The following AMBRA1 variants were observed in gnomAD, a reference collection of about 807,000 sequenced individuals.
AMBRA1 encodes the protein autophagy and beclin 1 regulator 1, also known as activating molecule in BECN1-regulated autophagy protein 1.
Under a neutral mutation model 125.4 loss-of-function variants are expected in AMBRA1, and 47 were observed. The observed-to-expected ratio is 0.37, with a 90% confidence interval of 0.30 to 0.48. The LOEUF (loss-of-function observed/expected upper bound fraction) is 0.48, where lower values mean the gene tolerates loss of function less well. AMBRA1 is among the 20% of genes least tolerant of loss of function. The pLI, the probability that AMBRA1 is intolerant of heterozygous loss-of-function variation, is 0.99. For missense variants in AMBRA1, 1,331 were observed against 1,693.4 expected, an observed-to-expected ratio of 0.79 and a Z score of 3.76; for synonymous variants, 626 against 655.5, an observed-to-expected ratio of 0.95 and a Z score of 0.69.
At chr11:46,480,489 G>T (rs1950017559) in intron 11 of AMBRA1, among the ~76,000 whole-genome samples, 1 of 152,204 alleles carries the variant, frequency 6.6e-6, no homozygotes. Context: ...AATGGCCAAA[G>T]CTATACCACT....
intron 16 of AMBRA1, 80 bp downstream of exon 16, chr11:46,410,196 C>A: frequency 1.5e-6 from 2 of 1,334,138 alleles, no homozygotes; most frequent in Non-Finnish European, 2.2e-6. Flanking sequence ...CCCTAGAGGG[C>A]GCTGCTTAAG....
In AMBRA1 at chr11:46,499,611, G is replaced by A. The variant is rs1404466764; in HGVS notation, c.2340-5407C>T. Among the ~76,000 whole-genome samples, 4 of 152,072 alleles carry A rather than the reference G, an allele frequency of 2.6e-5. No individual in the cohort carries two copies. The East Asian group carries it at 7.7e-4, about 29-fold the overall frequency. On this transcript the variant is annotated intron_variant, in intron 9 of 17. Transcript: ENST00000683756. ...CCTCAGGAAGGCCCCTTACTTTTCT[G>A]AGACTTTTCATTATTGTACCTCTGC...
At chr11:46,493,414 A>G (rs989011659) in intron 11 of AMBRA1, among the ~76,000 whole-genome samples, 194 bp downstream of exon 11, 8 of 152,232 alleles carry the variant, frequency 5.3e-5, no homozygotes, top group Non-Finnish European at 1.2e-4. Context: ...GGAATAGGGT[A>G]AGAGAAACAT....
At chr11:46,547,330 GC>G (rs1443939573) in intron 3 of AMBRA1, 34 bp from the exon 4 acceptor site, 18 of 1,560,592 alleles carry the variant, frequency 1.2e-5, no homozygotes, top group Non-Finnish European at 1.6e-5. Flanking sequence ...GAATTCAGAA[GC>G]ATGTGGAAGG....
At chr11:46,480,891 GT>G (rs960160891) in intron 11 of AMBRA1, among the ~76,000 whole-genome samples, 9 of 152,176 alleles carry the variant, frequency 5.9e-5, no homozygotes, top group African/African-American at 2.2e-4. Context: ...CCAATGAGGG[GT>G]TTGGGGCACA....
At chr11:46,428,590 TTC>T (rs1491010647) in intron 14 of AMBRA1, 162 of 1,090,642 alleles carry the variant, frequency 1.5e-4, no homozygotes, top group African/African-American at 4.1e-4. Flanking sequence ...CTTCTTCTTC[TTC>T]TTTTTTTTTT....
intron 11 of AMBRA1, among the ~76,000 whole-genome samples, chr11:46,462,705 C>T (rs901528733): frequency 6.6e-6 from 1 of 151,864 alleles, no homozygotes; most frequent in Non-Finnish European, 1.5e-5. Flanking sequence ...ACTAAAATCC[C>T]CTTCATCCCT....
At chr11:46,589,553 G>T (rs2044517391) in intron 1 of AMBRA1, among the ~76,000 whole-genome samples, 1 of 152,154 alleles carries the variant, frequency 6.6e-6, no homozygotes, top group African/African-American at 2.4e-5. Context: ...ACACCTCTCT[G>T]TGCTAACAAC....
chr11:46,507,462 G>C (rs1458950562), intron 9 of AMBRA1, among the ~76,000 whole-genome samples: 2 of 145,858 alleles, frequency 1.4e-5, no homozygotes, highest in African/African-American at 5.1e-5. Context: ...CTGAGCGAAA[G>C]AGCGAGACTC....
intron 12 of AMBRA1, among the ~76,000 whole-genome samples, chr11:46,439,260 C>T (rs1947881977): frequency 6.6e-6 from 1 of 152,084 alleles, no homozygotes; most frequent in Admixed American, 6.6e-5. Flanking sequence ...GGCAACAGAG[C>T]GAGACCCTGT....
chr11:46,587,048 T>A (rs1041581510), intron 1 of AMBRA1, among the ~76,000 whole-genome samples: 4 of 152,064 alleles, frequency 2.6e-5, no homozygotes, highest in Admixed American at 2.6e-4. Context: ...AGTGATGAAA[T>A]CATGAAATAT....
chr11:46,466,439 C>G, intron 11 of AMBRA1, among the ~76,000 whole-genome samples: 1 of 152,030 alleles, frequency 6.6e-6, no homozygotes, highest in South Asian at 2.1e-4. Context: ...CAATGGCTAC[C>G]TGAGAAGGAG....
intron 12 of AMBRA1, among the ~76,000 whole-genome samples, chr11:46,436,441 C>T (rs541787764): frequency 6.6e-6 from 1 of 152,302 alleles, no homozygotes; most frequent in East Asian, 1.9e-4. Context: ...ACACATAAAA[C>T]CGAAGAGGGA....
At chr11:46,485,322 C>A (rs2136932860) in intron 11 of AMBRA1, among the ~76,000 whole-genome samples, 1 of 152,334 alleles carries the variant, frequency 6.6e-6, no homozygotes, top group South Asian at 2.1e-4. Context: ...CCTTCCAGTG[C>A]CCCACTTACT....
At chr11:46,443,385 C>T in intron 12 of AMBRA1, 103 bp downstream of exon 12, 1 of 862,580 alleles carries the variant, frequency 1.2e-6, no homozygotes, top group Non-Finnish European at 1.9e-6. Context: ...ATAACAACTG[C>T]TCAATAGGAT....
intron 7 of AMBRA1, among the ~76,000 whole-genome samples, chr11:46,530,325 G>A (rs930254088): frequency 6.6e-6 from 1 of 152,186 alleles, no homozygotes; most frequent in African/African-American, 2.4e-5. Context: ...GGAATGATGA[G>A]GGATAATTTA....
chr11:46,434,729 C>A, intron 13 of AMBRA1, 120 bp downstream of exon 13: 2 of 1,069,356 alleles, frequency 1.9e-6, no homozygotes, highest in South Asian at 1.9e-5. Flanking sequence ...GGCCTGTGCC[C>A]CAGTGAAGGT....
At chr11:46,561,520 T>C (rs931186593) in intron 1 of AMBRA1, among the ~76,000 whole-genome samples, 2 of 152,040 alleles carry the variant, frequency 1.3e-5, no homozygotes, top group Non-Finnish European at 2.9e-5. Context: ...GGTTAAGAAA[T>C]TCATCTAGAT....
intron 1 of AMBRA1, among the ~76,000 whole-genome samples, chr11:46,574,129 T>C (rs1263719478): frequency 1.4e-5 from 2 of 142,656 alleles, no homozygotes; most frequent in African/African-American, 2.7e-5. Context: ...TAAACATACA[T>C]GTGCATGTGT....
Sources: gnomAD v4.1 joint callset for allele counts (sites outside exome capture counted in the v4.1 genomes callset) on GRCh38, gnomAD v4.1.1 for gene constraint, MANE v1.5 for transcripts, NCBI Gene and HGNC (gene_info 2026-07-23, HGNC 2026-07-21) for gene names.